PTPRT: variants seen among roughly 807,000 people sequenced by gnomAD.
The protein encoded by PTPRT is protein tyrosine phosphatase receptor type T.
A neutral mutation model predicts 176.8 loss-of-function variants in PTPRT; 56 were observed. The ratio of observed to expected loss-of-function variants is 0.32; its 90% confidence interval spans 0.26 to 0.40. The LOEUF is 0.40. Ranked by LOEUF, PTPRT falls within the 10% of genes least tolerant of loss-of-function variation. The pLI, the probability that PTPRT is intolerant of heterozygous loss-of-function variation, is 1.00. For missense variants in PTPRT, 1,540 were observed against 1,908.2 expected, an observed-to-expected ratio of 0.81 and a Z score of 3.60; for synonymous variants, 783 against 739.0, an observed-to-expected ratio of 1.06 and a Z score of -0.96.
chr20:42,851,404 C>T (rs1478554767), intron 2 of PTPRT, among the ~76,000 whole-genome samples: 1 of 152,196 alleles, frequency 6.6e-6, no homozygotes, highest in African/African-American at 2.4e-5. Context: ...TCTTACTCAA[C>T]TCTAATCATC....
At chr20:42,220,726 T>C (rs1032305301) in intron 15 of PTPRT, among the ~76,000 whole-genome samples, 25 of 152,284 alleles carry the variant, frequency 1.6e-4, no homozygotes, top group South Asian at 1.0e-3. Flanking sequence ...TGGAATAAAA[T>C]TCTCTCCAAG....
At chr20:42,588,559 A>G (rs1645017803) in intron 7 of PTPRT, among the ~76,000 whole-genome samples, 1 of 152,214 alleles carries the variant, frequency 6.6e-6, no homozygotes, top group Admixed American at 6.5e-5. Context: ...TCAGAATAAG[A>G]AAAAGAATGT....
chr20:42,614,704 CTG>C (rs1357637418), intron 7 of PTPRT, among the ~76,000 whole-genome samples: 1 of 152,106 alleles, frequency 6.6e-6, no homozygotes, highest in Non-Finnish European at 1.5e-5. Context: ...CCTTTACTTG[CTG>C]TGTTAGTTCA....
At chr20:42,957,910 A>C (rs1981735161) in intron 1 of PTPRT, among the ~76,000 whole-genome samples, 4 of 151,996 alleles carry the variant, frequency 2.6e-5, no homozygotes, top group Non-Finnish European at 5.9e-5. Flanking sequence ...TGCTTTAATT[A>C]GATTTCCATT....
At chr20:43,004,386 A>G (rs967004267) in intron 1 of PTPRT, among the ~76,000 whole-genome samples, 5 of 152,336 alleles carry the variant, frequency 3.3e-5, no homozygotes, top group Admixed American at 3.3e-4. Flanking sequence ...GATTCTGAGG[A>G]CTCAGCAGCA....
chr20:42,827,507 G>A (rs2078015442), intron 2 of PTPRT, among the ~76,000 whole-genome samples: 1 of 152,154 alleles, frequency 6.6e-6, no homozygotes, highest in Admixed American at 6.5e-5. Context: ...TGAAACTAAT[G>A]AGAACAAAGA....
At chr20:42,556,737 T>C (rs1352792525) in intron 7 of PTPRT, among the ~76,000 whole-genome samples, 1 of 152,162 alleles carries the variant, frequency 6.6e-6, no homozygotes, top group Admixed American at 6.5e-5. Flanking sequence ...TGCAGAATGA[T>C]GGCTGTTGGC....
At chr20:42,265,168 T>G (rs1348122989) in intron 13 of PTPRT, among the ~76,000 whole-genome samples, 1 of 152,212 alleles carries the variant, frequency 6.6e-6, no homozygotes, top group Admixed American at 6.5e-5. Flanking sequence ...TAGTAAATTA[T>G]GTGGCTTCTG....
At chr20:42,771,784 C>T (rs2077067264) in intron 4 of PTPRT, among the ~76,000 whole-genome samples, 1 of 152,184 alleles carries the variant, frequency 6.6e-6, no homozygotes, top group Non-Finnish European at 1.5e-5. Flanking sequence ...GCAGTATCCC[C>T]ATTTCACAGA....
At chr20:42,466,843 T>C (rs1233724990) in intron 8 of PTPRT, among the ~76,000 whole-genome samples, 1 of 152,140 alleles carries the variant, frequency 6.6e-6, no homozygotes, top group Non-Finnish European at 1.5e-5. Context: ...AATAAGTGGT[T>C]GGCCTCAGGT....
intron 1 of PTPRT, among the ~76,000 whole-genome samples, chr20:43,031,439 C>G (rs187780054): frequency 6.6e-6 from 1 of 152,208 alleles, no homozygotes; most frequent in Non-Finnish European, 1.5e-5. Context: ...TCTGCTGGAA[C>G]CTTGATCTTG....
chr20:43,017,745 G>A (rs1600651008), intron 1 of PTPRT, among the ~76,000 whole-genome samples: 3 of 152,228 alleles, frequency 2.0e-5, no homozygotes, highest in Admixed American at 2.0e-4. Context: ...CAGAGCTCCT[G>A]TGAAGCCTAT....
At chr20:42,804,231 A>G (rs2077572209) in intron 2 of PTPRT, among the ~76,000 whole-genome samples, 1 of 151,974 alleles carries the variant, frequency 6.6e-6, no homozygotes, top group Non-Finnish European at 1.5e-5. Context: ...CTCAGCTGCA[A>G]AGCTAGTTTC....
At chr20:42,444,467 G>T in intron 9 of PTPRT, among the ~76,000 whole-genome samples, 1 of 152,154 alleles carries the variant, frequency 6.6e-6, no homozygotes. Context: ...TCACATTTTG[G>T]GGGGCAGAAT....
chr20:42,586,380 T>C (rs776890629), intron 7 of PTPRT, among the ~76,000 whole-genome samples: 5 of 152,200 alleles, frequency 3.3e-5, no homozygotes, highest in Non-Finnish European at 5.9e-5. Context: ...TTGATTTCAG[T>C]TGAAACTAAT....
chr20:42,719,698 A>G (rs955178167), intron 6 of PTPRT, among the ~76,000 whole-genome samples: 1 of 152,254 alleles, frequency 6.6e-6, no homozygotes, highest in African/African-American at 2.4e-5. Flanking sequence ...TGACCTATAG[A>G]AACTATGAGC....
intron 4 of PTPRT, among the ~76,000 whole-genome samples, chr20:42,773,540 G>A (rs2077092763): frequency 6.6e-6 from 1 of 152,096 alleles, no homozygotes; most frequent in Non-Finnish European, 1.5e-5. Context: ...CACCATGGCT[G>A]GTGTGGTGTC....
At chr20:42,094,071 G>C (rs1388326073) in intron 27 of PTPRT, among the ~76,000 whole-genome samples, 1 of 152,224 alleles carries the variant, frequency 6.6e-6, no homozygotes, top group South Asian at 2.1e-4. Flanking sequence ...CACCCTGAAA[G>C]GGGGAGCTAT....
At chr20:43,170,071 G>A (rs189376055) in intron 1 of PTPRT, among the ~76,000 whole-genome samples, 6 of 151,974 alleles carry the variant, frequency 3.9e-5, no homozygotes, top group Admixed American at 6.5e-5. Context: ...CCCACCCACC[G>A]GTGTTGATGT....
Sources: gnomAD v4.1 joint callset for allele counts (sites outside exome capture counted in the v4.1 genomes callset) on GRCh38, gnomAD v4.1.1 for gene constraint, MANE v1.5 for transcripts, NCBI Gene and HGNC (gene_info 2026-07-23, HGNC 2026-07-21) for gene names.